ATP2B1: variants seen among roughly 807,000 people sequenced by gnomAD.
The protein encoded by ATP2B1 is plasma membrane calcium-transporting ATPase 1.
A neutral mutation model predicts 124.2 loss-of-function variants in ATP2B1; 14 were observed. The observed-to-expected ratio is 0.11, with a 90% CI of 0.07 to 0.18. ATP2B1 has a LOEUF of 0.18. Among genes scored for constraint, ATP2B1 ranks in the 10% least tolerant of loss-of-function variants. ATP2B1 has a pLI of 1.00. For missense variants in ATP2B1, 763 were observed against 1,466.1 expected (o/e 0.52, Z 7.83); for synonymous variants, 449 against 492.4 (o/e 0.91, Z 1.17).
chr12:89,683,416 C>G (rs866365161), intron 1 of ATP2B1, among the ~76,000 whole-genome samples: 9 of 152,272 alleles, frequency 5.9e-5, no homozygotes, highest in South Asian at 2.1e-4. Context: ...GCCCACTCTT[C>G]GGATATGCCC....
chr12:89,611,122 T>G, intron 13 of ATP2B1, 71 bp downstream of exon 13: 1 of 1,390,964 alleles, frequency 7.2e-7, no homozygotes, highest in Non-Finnish European at 9.7e-7. Flanking sequence ...ATTCAATATG[T>G]GTTTGTTGAG....
chr12:89,689,785 T>C (rs1411745302), intron 1 of ATP2B1, among the ~76,000 whole-genome samples: 1 of 152,138 alleles, frequency 6.6e-6, no homozygotes, highest in Non-Finnish European at 1.5e-5. Flanking sequence ...TCCTTCCTCA[T>C]ACACATAGTA....
chr12:89,691,979 G>T (rs1265746628), intron 1 of ATP2B1, among the ~76,000 whole-genome samples: 2 of 152,072 alleles, frequency 1.3e-5, no homozygotes, highest in Non-Finnish European at 1.5e-5. Context: ...AACTAAGAAA[G>T]GATGGTGTTT....
At chr12:89,606,812 G>A (rs1328521896) in intron 15 of ATP2B1, among the ~76,000 whole-genome samples, 2 of 152,010 alleles carry the variant, frequency 1.3e-5, no homozygotes, top group Non-Finnish European at 2.9e-5. Flanking sequence ...CTGACCTCAA[G>A]AGATCCACCC....
intron 15 of ATP2B1, among the ~76,000 whole-genome samples, chr12:89,606,569 C>T (rs1244890855): frequency 8.0e-6 from 1 of 125,758 alleles, no homozygotes; most frequent in Non-Finnish European, 1.6e-5. Flanking sequence ...TTTTAATGTC[C>T]CACTTTTTTT....
chr12:89,665,756 C>G (rs1384342554), intron 1 of ATP2B1, among the ~76,000 whole-genome samples: 1 of 152,178 alleles, frequency 6.6e-6, no homozygotes, highest in Admixed American at 6.5e-5. Context: ...GAATGTCACA[C>G]CAGCTGCTCT....
rs1876294167 is a variant in ATP2B1, at chr12:89,603,625, T to G, written c.2848+87A>C. 4 of 1,395,252 alleles carry G rather than the reference T, an allele frequency of 2.9e-6. No individual in the cohort carries two copies. Among genetic ancestry groups the G allele is most frequent in the Non-Finnish European group, 4.0e-6 (4 of 1,008,392 alleles). The allele number at this position is 1,395,252 out of a possible 1,614,324, so 86.4% of individuals were successfully genotyped here. On this transcript the variant is annotated intron_variant, in intron 17 of 20. Coordinates refer to ENST00000428670, the MANE Select transcript of ATP2B1 (RefSeq NM_001366521.1). The surrounding 1 kb of genome is among the most constrained non-coding windows in gnomAD (Gnocchi z 4.3). Reference sequence around the variant, plus strand: ...AAGTCAGGAGTAGAATTTAGGCTCTTGAAAATTTGTAACATTATAACATCT... The same window carrying G: ...AAGTCAGGAGTAGAATTTAGGCTCTGGAAAATTTGTAACATTATAACATCT...
intron 15 of ATP2B1, among the ~76,000 whole-genome samples, chr12:89,607,700 T>TTTCATGTGACAAGGATTCTCTCC: frequency 6.6e-6 from 1 of 152,332 alleles, no homozygotes; most frequent in South Asian, 2.1e-4. Flanking sequence ...GCAAGAATAA[T>TTTCATGTGACAAGGATTCTCTCC]TTCATGTGAC....
intron 1 of ATP2B1, among the ~76,000 whole-genome samples, chr12:89,686,937 G>C (rs977731479): frequency 2.0e-5 from 3 of 151,784 alleles, no homozygotes; most frequent in Non-Finnish European, 4.4e-5. Context: ...CTCCTCCTGG[G>C]GTTACTAATA....
chr12:89,701,935 A>G (rs1891903633), intron 1 of ATP2B1, among the ~76,000 whole-genome samples: 1 of 152,216 alleles, frequency 6.6e-6, no homozygotes, highest in Admixed American at 6.5e-5. Flanking sequence ...ACCGTCACAC[A>G]GTGGACAGTC....
intron 1 of ATP2B1, among the ~76,000 whole-genome samples, chr12:89,707,181 C>T (rs1288170982): frequency 6.6e-6 from 1 of 152,100 alleles, no homozygotes; most frequent in Admixed American, 6.5e-5. Flanking sequence ...CACACAAGGA[C>T]AGGGAGTCTC....
chr12:89,677,971 T>TATACACACACACAC (rs1461216851), intron 1 of ATP2B1, among the ~76,000 whole-genome samples: 40 of 52,310 alleles, frequency 7.6e-4, no homozygotes, highest in Non-Finnish European at 1.3e-3. Context: ...TATATATATA[T>TATACACACACACAC]ACACACACAC....
intron 1 of ATP2B1, among the ~76,000 whole-genome samples, chr12:89,674,596 A>G (rs1196146923): frequency 6.6e-6 from 1 of 152,196 alleles, no homozygotes; most frequent in East Asian, 1.9e-4. Context: ...ATTAATGATG[A>G]TGGTAACAAT....
At chr12:89,679,047 T>C (rs191510989) in intron 1 of ATP2B1, among the ~76,000 whole-genome samples, 1 of 152,132 alleles carries the variant, frequency 6.6e-6, no homozygotes, top group Non-Finnish European at 1.5e-5. Flanking sequence ...CCAAAGCTAC[T>C]TAAGGCATTA....
At position 89,601,355 on chromosome 12, in the gene ATP2B1, G is replaced by A; in HGVS notation, c.3139C>T (p.Leu1047=). Reference sequence around the variant, plus strand: ...CCCCAGAGTAATGTTCCCATTCCTAGGAATATTGACCATAGCCACTGTTCT... The same window carrying A: ...CCCCAGAGTAATGTTCCCATTCCTAAGAATATTGACCATAGCCACTGTTCT... ...SIEQWLWSIF[L]GMGTLLWGQL... is the part of the protein sequence containing the mutation. Residue 1047 remains leucine, a synonymous_variant, in exon 19 of 21, where the codon CTA becomes TTA. Transcript: ENST00000428670. 6.3e-7 allele frequency: 1 copy of A among 1,576,978 alleles called. No homozygotes were observed. The highest frequency in any genetic ancestry group is 8.6e-7 in the Non-Finnish European group (1 of 1,169,184).
chr12:89,611,293 C>T lies in ATP2B1; in HGVS notation c.2147G>A (p.Arg716Gln), dbSNP rs754295047. ...AATACCACATTTGGTAGCAATGGCC[C>T]GAGCAGTATTAATATTATCACCAGT... ...MVTGDNINTA[R>Q]AIATKCGILH... The change falls in exon 13 of 21, where the codon CGG becomes CAG. Residue 716 changes from arginine (R) to glutamine (Q), a missense_variant. This residue lies in a region of ATP2B1 where 392 missense variants were observed against 776.6 expected (regional missense o/e 0.50). Coordinates refer to ENST00000428670, the MANE Select transcript of ATP2B1 (RefSeq NM_001366521.1). 2 of 1,610,852 alleles carry T rather than the reference C, an allele frequency of 1.2e-6. No individual in the cohort carries two copies. Among genetic ancestry groups the T allele is most frequent in the Admixed American group, 1.7e-5 (1 of 59,638 alleles).
chr12:89,644,863 A>G (rs1010156353), intron 2 of ATP2B1, among the ~76,000 whole-genome samples: 25 of 152,260 alleles, frequency 1.6e-4, no homozygotes, highest in Non-Finnish European at 3.5e-4. Context: ...ACAGGGACCA[A>G]TATTTTATGT....
intron 1 of ATP2B1, among the ~76,000 whole-genome samples, chr12:89,693,392 T>A (rs1433379611): frequency 3.3e-5 from 5 of 152,192 alleles, no homozygotes; most frequent in Non-Finnish European, 7.3e-5. Context: ...CACATTCATT[T>A]ATTAAGTACT....
chr12:89,700,227 T>C (rs759129564), intron 1 of ATP2B1, among the ~76,000 whole-genome samples: 27 of 152,052 alleles, frequency 1.8e-4, no homozygotes, highest in Non-Finnish European at 3.8e-4. Flanking sequence ...GAATCCTTGT[T>C]TTTCTGAGAC....
Sources: allele counts gnomAD v4.1 joint callset (sites outside exome capture counted in the v4.1 genomes callset), GRCh38; gene constraint gnomAD v4.1.1; regional missense constraint gnomAD v4.1.1; non-coding constraint Gnocchi (gnomAD v3.1); transcripts MANE v1.5; gene names NCBI Gene and HGNC (gene_info 2026-07-23, HGNC 2026-07-21).